Variants in CLSTN2 observed in about 807,000 individuals in gnomAD.
CLSTN2 encodes the protein calsyntenin-2.
In CLSTN2, 48 loss-of-function variants were observed where a neutral mutation model predicts 101.2. The observed-to-expected ratio is 0.47, with a 90% CI of 0.38 to 0.60. The LOEUF is 0.60. Ranked by LOEUF, CLSTN2 falls within the 20% of genes least tolerant of loss-of-function variation. CLSTN2 has a pLI of 0.00. For synonymous variants in CLSTN2, 481 were observed against 463.6 expected (o/e 1.04, Z -0.48); for missense variants, 1,160 against 1,238.2 (o/e 0.94, Z 0.95).
At chr3:140,254,657 C>T (rs368743290) in intron 2 of CLSTN2, among the ~76,000 whole-genome samples, 1 of 152,184 alleles carries the variant, frequency 6.6e-6, no homozygotes, top group Admixed American at 6.5e-5. Flanking sequence ...CTCCTTCCTT[C>T]TACCATATAT....
intron 2 of CLSTN2, among the ~76,000 whole-genome samples, chr3:140,292,086 C>T (rs2086959792): frequency 6.6e-6 from 1 of 152,156 alleles, no homozygotes; most frequent in African/African-American, 2.4e-5. Context: ...AATGTCTTTA[C>T]AGTAAAAACA....
chr3:140,502,218 T>C (rs1338590171), intron 8 of CLSTN2, among the ~76,000 whole-genome samples: 2 of 152,208 alleles, frequency 1.3e-5, no homozygotes, highest in Non-Finnish European at 2.9e-5. Flanking sequence ...GAAGGGCACA[T>C]CTTTCAGGCT....
intron 2 of CLSTN2, among the ~76,000 whole-genome samples, chr3:140,359,661 G>A (rs2107948723): frequency 6.6e-6 from 1 of 152,154 alleles, no homozygotes; most frequent in East Asian, 1.9e-4. Context: ...CTCACCTCTT[G>A]TCATTTGGGT....
chr3:140,333,140 C>T (rs140662939), intron 2 of CLSTN2, among the ~76,000 whole-genome samples: 12 of 152,304 alleles, frequency 7.9e-5, no homozygotes, highest in Admixed American at 1.3e-4. Context: ...CCTCTCCTTT[C>T]GGCGTCACTT....
At chr3:140,472,094 C>T (rs1933863695) in intron 8 of CLSTN2, among the ~76,000 whole-genome samples, 1 of 152,148 alleles carries the variant, frequency 6.6e-6, no homozygotes, top group African/African-American at 2.4e-5. Context: ...GCTAAACTCC[C>T]CGTATGAGGG....
intron 2 of CLSTN2, among the ~76,000 whole-genome samples, chr3:140,233,384 C>T (rs2086388267): frequency 6.6e-6 from 1 of 152,152 alleles, no homozygotes; most frequent in Non-Finnish European, 1.5e-5. Context: ...CCTCCAAGCT[C>T]ATGCAGCACC....
At chr3:139,994,109 G>A (rs1160151217) in intron 1 of CLSTN2, among the ~76,000 whole-genome samples, 1 of 152,188 alleles carries the variant, frequency 6.6e-6, no homozygotes, top group Non-Finnish European at 1.5e-5. Context: ...CTCTTCACAT[G>A]CACCTGCCAC....
chr3:140,160,397 T>A (rs2010026475), intron 1 of CLSTN2, among the ~76,000 whole-genome samples: 1 of 152,116 alleles, frequency 6.6e-6, no homozygotes, highest in East Asian at 1.9e-4. Flanking sequence ...CTAAATGAGT[T>A]CTTTGCTAGT....
At chr3:139,984,446 T>A (rs1935988247) in intron 1 of CLSTN2, among the ~76,000 whole-genome samples, 1 of 152,184 alleles carries the variant, frequency 6.6e-6, no homozygotes, top group African/African-American at 2.4e-5. Context: ...ATTGACAGGG[T>A]CCTGTTCTCA....
intron 8 of CLSTN2, among the ~76,000 whole-genome samples, chr3:140,470,789 G>T (rs1191445391): frequency 6.6e-6 from 1 of 152,210 alleles, no homozygotes; most frequent in Non-Finnish European, 1.5e-5. Flanking sequence ...CGGGGCCATT[G>T]AATGGAGCCG....
chr3:140,375,216 C>T (rs1156727185), intron 2 of CLSTN2, among the ~76,000 whole-genome samples: 4 of 152,178 alleles, frequency 2.6e-5, no homozygotes, highest in African/African-American at 9.7e-5. Flanking sequence ...AAATGTGAGT[C>T]ATGCTTTCAT....
intron 10 of CLSTN2, among the ~76,000 whole-genome samples, chr3:140,552,272 G>A (rs147614349): frequency 1.2e-4 from 19 of 152,158 alleles, no homozygotes; most frequent in Non-Finnish European, 2.6e-4. Flanking sequence ...ACCCAAGGGC[G>A]AGTGAGCAAT....
chr3:139,944,445 G>A (rs1270265463), intron 1 of CLSTN2, among the ~76,000 whole-genome samples: 1 of 152,208 alleles, frequency 6.6e-6, no homozygotes, highest in Non-Finnish European at 1.5e-5. Flanking sequence ...AGCCAAGACT[G>A]AGAACCACTC....
intron 2 of CLSTN2, among the ~76,000 whole-genome samples, chr3:140,237,689 G>T (rs1329833437): frequency 6.6e-6 from 1 of 152,120 alleles, no homozygotes; most frequent in Non-Finnish European, 1.5e-5. Context: ...TTTCTTCAGA[G>T]ATCATTATTT....
intron 2 of CLSTN2, among the ~76,000 whole-genome samples, chr3:140,371,862 C>G (rs2087861367): frequency 6.6e-6 from 1 of 152,156 alleles, no homozygotes; most frequent in Admixed American, 6.5e-5. Context: ...AGCCCTAACC[C>G]CAGGGACATA....
At chr3:140,213,346 G>A (rs1368280297) in intron 2 of CLSTN2, among the ~76,000 whole-genome samples, 1 of 152,210 alleles carries the variant, frequency 6.6e-6, no homozygotes, top group Non-Finnish European at 1.5e-5. Flanking sequence ...TCCAGGACTA[G>A]GCAGGGGTAG....
At position 140,335,068 on chromosome 3, in the gene CLSTN2, A is replaced by C. The variant is rs562269701; in HGVS notation, c.233-68561A>C. On this transcript the variant is annotated intron_variant, in intron 2 of 16. Coordinates refer to ENST00000458420, the MANE Select transcript of CLSTN2 (RefSeq NM_022131.3). ...GAGCGACTGGATCCTTACCCTGGCC[A>C]GACATTTCTTTGGCTGAAGGTTGCC... 5.3e-5 allele frequency among the ~76,000 whole-genome samples: 8 copies of C among 152,342 alleles called. No homozygotes were observed. In the South Asian group the frequency reaches 1.7e-3, roughly 32 times the overall value.
At chr3:140,038,134 A>G (rs2007694816) in intron 1 of CLSTN2, among the ~76,000 whole-genome samples, 1 of 152,146 alleles carries the variant, frequency 6.6e-6, no homozygotes, top group Non-Finnish European at 1.5e-5. Flanking sequence ...TGTCCTCCAC[A>G]ATGGTTGAAC....
chr3:140,461,455 A>G (rs1933561686), intron 7 of CLSTN2: 1 of 152,240 alleles, frequency 6.6e-6, no homozygotes, highest in African/African-American at 2.4e-5. Flanking sequence ...TCTGAGCTAT[A>G]TCGAGTCCCC....
Sources: gnomAD v4.1 joint callset for allele counts (sites outside exome capture counted in the v4.1 genomes callset) on GRCh38, gnomAD v4.1.1 for gene constraint, MANE v1.5 for transcripts, NCBI Gene and HGNC (gene_info 2026-07-23, HGNC 2026-07-21) for gene names.